KALRN: variants seen among roughly 807,000 people sequenced by gnomAD.
KALRN encodes the protein kalirin.
KALRN carries 70 observed loss-of-function variants against 353.7 expected under a neutral mutation model. That is an observed-to-expected ratio of 0.20 (90% confidence interval 0.16 to 0.24). KALRN has a LOEUF of 0.24. Among genes scored for constraint, KALRN ranks in the 10% least tolerant of loss-of-function variants. The pLI is 1.00. For synonymous variants in KALRN, 1,391 were observed against 1,434.8 expected (o/e 0.97, Z 0.69); for missense variants, 2,791 against 3,756.7 (o/e 0.74, Z 6.72).
intron 1 of KALRN, among the ~76,000 whole-genome samples, chr3:124,063,509 G>A (rs745346755): frequency 1.3e-5 from 2 of 152,188 alleles, no homozygotes; most frequent in African/African-American, 2.4e-5. Flanking sequence ...ATGTGGGTGC[G>A]ATGGGGGAAG....
chr3:124,287,792 T>G, intron 5 of KALRN, among the ~76,000 whole-genome samples: 1 of 17,060 alleles, frequency 5.9e-5, no homozygotes, highest in South Asian at 5.2e-3. Context: ...TATATATATA[T>G]ATATATATAT....
intron 57 of KALRN, among the ~76,000 whole-genome samples, chr3:124,704,460 T>G (rs1170026179): frequency 1.3e-5 from 2 of 152,246 alleles, no homozygotes; most frequent in African/African-American, 4.8e-5. Context: ...TCCTCTCTCC[T>G]AAGAATAGTC....
At chr3:124,614,982 A>G (rs1318239894) in intron 34 of KALRN, among the ~76,000 whole-genome samples, 2 of 152,248 alleles carry the variant, frequency 1.3e-5, no homozygotes, top group Non-Finnish European at 1.5e-5. Context: ...AGTATTTTAC[A>G]TGGGAATTAT....
At chr3:124,627,706 T>C (rs182952588) in intron 34 of KALRN, among the ~76,000 whole-genome samples, 1 of 152,356 alleles carries the variant, frequency 6.6e-6, no homozygotes, top group African/African-American at 2.4e-5. Context: ...GCCCTGCTTC[T>C]ATTACCAGTG....
In KALRN at chr3:124,713,225, T is replaced by C. The variant is rs1054899769; in HGVS notation, c.8276+90T>C. On this transcript the variant is annotated intron_variant, in intron 58 of 59. Transcript: ENST00000682506. ...TAATGGAAAAGACAGTTACATTTTA[T>C]ACAAGGTCCTATCATTTGCAAAGTG... The C allele has an allele frequency of 5.4e-6, 6 of 1,120,766 alleles. No homozygotes were observed. The Admixed American group carries it at 9.3e-5, about 17-fold the overall frequency. 69.4% of individuals were successfully genotyped at this position (1,120,766 alleles called of 1,614,324 possible). A position where few individuals can be genotyped will look rare whatever the true frequency, so the allele number is the denominator to read the frequency against.
At chr3:124,339,579 C>G (rs987406235) in intron 9 of KALRN, among the ~76,000 whole-genome samples, 1 of 152,138 alleles carries the variant, frequency 6.6e-6, no homozygotes, top group African/African-American at 2.4e-5. Flanking sequence ...GAGCTGCTCC[C>G]CTTCAGAACT....
chr3:124,388,339 T>C (rs575801743), intron 11 of KALRN, among the ~76,000 whole-genome samples: 2 of 152,200 alleles, frequency 1.3e-5, no homozygotes, highest in Non-Finnish European at 2.9e-5. Context: ...GACATCATTT[T>C]TTTTTTCTTG....
intron 21 of KALRN, 139 bp downstream of exon 21, chr3:124,447,024 C>G: frequency 1.0e-6 from 1 of 976,068 alleles, no homozygotes; most frequent in Non-Finnish European, 1.5e-6. Flanking sequence ...TGTAAATGTC[C>G]TAAAGGATTG....
chr3:124,526,491 C>T (rs1471420971), intron 33 of KALRN, among the ~76,000 whole-genome samples: 1 of 152,074 alleles, frequency 6.6e-6, no homozygotes, highest in Non-Finnish European at 1.5e-5. Flanking sequence ...GGGAGGATCA[C>T]TTAAGCCCAG....
intron 1 of KALRN, among the ~76,000 whole-genome samples, chr3:124,149,625 C>T (rs192250001): frequency 1.6e-4 from 24 of 152,188 alleles, no homozygotes; most frequent in African/African-American, 5.1e-4. Context: ...CCAGCCATGT[C>T]GTTTTAAAGA....
At position 124,619,292 on chromosome 3, in the gene KALRN, A is replaced by G. The variant is rs116147165; in HGVS notation, c.5183-13128A>G. On this transcript the variant is annotated intron_variant, in intron 34 of 59. Coordinates refer to ENST00000682506, the MANE Select transcript of KALRN (RefSeq NM_001388419.1). ...TCATTGTCTGTGTATATAAATACATACATCAGTTTCTTTATTCCTTGGTTT... is the reference window on the plus strand; with the variant it reads ...TCATTGTCTGTGTATATAAATACATGCATCAGTTTCTTTATTCCTTGGTTT... Among the ~76,000 whole-genome samples, 202 of 152,282 alleles carry G rather than the reference A, an allele frequency of 1.3e-3. 1 individual carries two copies. The highest frequency in any genetic ancestry group is 4.7e-3 in the African/African-American group (194 of 41,576).
At chr3:124,462,685 C>A in intron 25 of KALRN, 52 bp downstream of exon 25, 1 of 1,036,414 alleles carries the variant, frequency 9.6e-7, no homozygotes, top group Non-Finnish European at 1.5e-6. Context: ...AAAAACCAGA[C>A]AACAGGGTTC....
At chr3:124,448,842 A>G (rs1000488669) in intron 21 of KALRN, among the ~76,000 whole-genome samples, 1 of 152,194 alleles carries the variant, frequency 6.6e-6, no homozygotes, top group Non-Finnish European at 1.5e-5. Context: ...ACCTAACTGC[A>G]TTTTACACAT....
intron 23 of KALRN, among the ~76,000 whole-genome samples, chr3:124,460,338 A>G (rs1269837001): frequency 1.3e-5 from 2 of 152,228 alleles, no homozygotes; most frequent in East Asian, 3.8e-4. Context: ...GTGACAACAA[A>G]TAGCCAGAAG....
At chr3:124,471,840 G>A (rs1462049574) in intron 25 of KALRN, among the ~76,000 whole-genome samples, 2 of 151,706 alleles carry the variant, frequency 1.3e-5, no homozygotes, top group Non-Finnish European at 2.9e-5. Flanking sequence ...GGTGGCGGGC[G>A]CTTGCAGTCC....
chr3:124,241,036 G>C (rs2080374633), intron 3 of KALRN, among the ~76,000 whole-genome samples: 1 of 152,076 alleles, frequency 6.6e-6, no homozygotes, highest in Non-Finnish European at 1.5e-5. Context: ...TGTATGTAAA[G>C]GTTATGAAGC....
intron 15 of KALRN, among the ~76,000 whole-genome samples, chr3:124,425,567 A>G (rs1410462040): frequency 6.6e-6 from 1 of 152,188 alleles, no homozygotes; most frequent in Non-Finnish European, 1.5e-5. Flanking sequence ...CCTCTGCTGC[A>G]CCTACTTGGT....
chr3:124,672,403 T>C (rs934517942), intron 48 of KALRN, among the ~76,000 whole-genome samples: 2 of 152,238 alleles, frequency 1.3e-5, no homozygotes, highest in Admixed American at 6.5e-5. Context: ...TGATTTTTGC[T>C]AAATAGAGTA....
At chr3:124,582,205 G>T (rs1013202079) in intron 34 of KALRN, among the ~76,000 whole-genome samples, 1 of 152,098 alleles carries the variant, frequency 6.6e-6, no homozygotes, top group African/African-American at 2.4e-5. Flanking sequence ...ATTTTTAGTA[G>T]AGATGGGGTT....
Sources: allele counts gnomAD v4.1 joint callset (sites outside exome capture counted in the v4.1 genomes callset), GRCh38; gene constraint gnomAD v4.1.1; transcripts MANE v1.5; gene names NCBI Gene and HGNC (gene_info 2026-07-23, HGNC 2026-07-21).